ZDHHC2: variants seen among roughly 807,000 people sequenced by gnomAD.
The protein encoded by ZDHHC2 is zDHHC palmitoyltransferase 2.
In ZDHHC2, 51 loss-of-function variants were observed where a neutral mutation model predicts 55.6. The observed-to-expected ratio is 0.92, with a 90% CI of 0.73 to 1.16. ZDHHC2 has a LOEUF of 1.16. ZDHHC2 is among the 50% of genes most tolerant of loss of function. ZDHHC2 has a pLI of 0.00. For missense variants in ZDHHC2, 491 were observed against 442.4 expected (o/e 1.11, Z -0.99); for synonymous variants, 199 against 152.9 (o/e 1.30, Z -2.22).
intron 11 of ZDHHC2, among the ~76,000 whole-genome samples, chr8:17,216,362 T>C (rs909037281): frequency 1.3e-5 from 2 of 152,186 alleles, no homozygotes; most frequent in Admixed American, 6.6e-5. Flanking sequence ...AATAGAAGCT[T>C]TCTTTAGCCT....
chr8:17,200,993 T>C (rs1282982514), intron 6 of ZDHHC2, among the ~76,000 whole-genome samples: 3 of 152,246 alleles, frequency 2.0e-5, no homozygotes, highest in African/African-American at 7.2e-5. Context: ...TTGTGAAGGA[T>C]TTGATGCCAA....
intron 1 of ZDHHC2, among the ~76,000 whole-genome samples, chr8:17,173,641 C>T (rs1289048775): frequency 1.3e-5 from 2 of 150,012 alleles, no homozygotes; most frequent in Non-Finnish European, 1.5e-5. Context: ...GTGATTGCAC[C>T]ACTGCATTCC....
At chr8:17,185,171 A>G (rs1169479510) in intron 2 of ZDHHC2, among the ~76,000 whole-genome samples, 3 of 152,236 alleles carry the variant, frequency 2.0e-5, no homozygotes, top group Non-Finnish European at 2.9e-5. Context: ...GCCTTATTGA[A>G]TAATTCAAAT....
intron 7 of ZDHHC2, among the ~76,000 whole-genome samples, chr8:17,206,568 T>A (rs1332243673): frequency 6.6e-6 from 1 of 152,232 alleles, no homozygotes; most frequent in Non-Finnish European, 1.5e-5. Context: ...AGAAGTATTT[T>A]CTTTATGTGT....
Position 17,156,850 on chromosome 8 carries a change from A to G in ZDHHC2, c.127A>G (p.Ile43Val). The change falls in exon 1 of 13, where the codon ATA becomes GTA. Residue 43 changes from isoleucine to valine, a missense_variant. Transcript: ENST00000262096. ...CTACGCCTACGCCATCCAGCTGTGC[A>G]TAGGTGAGTGCGCCCCCCGCCGCGG... The part of the protein sequence containing the change: ...SYYAYAIQLC[I>V]VSMENTGEQV... The G allele has an allele frequency of 6.7e-7, 1 of 1,498,894 alleles. No homozygotes were observed. The highest frequency in any genetic ancestry group is 8.9e-7 in the Non-Finnish European group (1 of 1,122,586). 92.8% of individuals were successfully genotyped at this position (1,498,894 alleles called of 1,614,324 possible).
At chr8:17,177,592 G>C (rs1408054727) in intron 1 of ZDHHC2, among the ~76,000 whole-genome samples, 3 of 152,198 alleles carry the variant, frequency 2.0e-5, no homozygotes, top group Non-Finnish European at 2.9e-5. Flanking sequence ...CACAGAGGTA[G>C]AGTCTTATTT....
Position 17,195,449 on chromosome 8 carries a change from C to A in ZDHHC2, c.253-55C>A, listed in dbSNP as rs551072119. 5 of 1,547,536 alleles carry A rather than the reference C, an allele frequency of 3.2e-6. No individual in the cohort carries two copies. In the African/African-American group the frequency reaches 6.9e-5, roughly 21 times the overall value. On this transcript the variant is annotated intron_variant, in intron 3 of 12. Transcript: ENST00000262096. ...CTTTTCCGGGTATGGTAGAGAAGAC[C>A]AATATGTTATAATTTCTTTGAAAAT...
At chr8:17,172,295 C>T (rs754216534) in intron 1 of ZDHHC2, among the ~76,000 whole-genome samples, 10 of 152,192 alleles carry the variant, frequency 6.6e-5, no homozygotes, top group South Asian at 2.1e-4. Context: ...TCTTGGCCGC[C>T]GGCTAAATAT....
chr8:17,203,587 T>G (rs1019263566), intron 6 of ZDHHC2, among the ~76,000 whole-genome samples: 20 of 152,106 alleles, frequency 1.3e-4, no homozygotes, highest in African/African-American at 4.3e-4. Flanking sequence ...TCTTTCCCCT[T>G]GAAACCAACA....
intron 11 of ZDHHC2, 119 bp downstream of exon 11, chr8:17,215,468 A>C: frequency 1.3e-6 from 1 of 782,554 alleles, no homozygotes; most frequent in South Asian, 1.6e-5. Flanking sequence ...TCAGACTTCT[A>C]TTCTAAATTC....
intron 1 of ZDHHC2, among the ~76,000 whole-genome samples, chr8:17,172,613 G>T (rs1195067409): frequency 6.6e-6 from 1 of 152,172 alleles, no homozygotes. Flanking sequence ...TAATAATAAA[G>T]AAATGCTGAG....
intron 1 of ZDHHC2, among the ~76,000 whole-genome samples, chr8:17,173,331 A>C (rs1804960890): frequency 6.6e-6 from 1 of 152,146 alleles, no homozygotes; most frequent in African/African-American, 2.4e-5. Flanking sequence ...AATGATAATA[A>C]TACCAACCTC....
intron 1 of ZDHHC2, among the ~76,000 whole-genome samples, chr8:17,180,127 A>T (rs1805353692): frequency 6.6e-6 from 1 of 152,202 alleles, no homozygotes; most frequent in South Asian, 2.1e-4. Flanking sequence ...AACTGCACCT[A>T]ACTTCTTTGG....
At chr8:17,167,666 A>G (rs1192120319) in intron 1 of ZDHHC2, among the ~76,000 whole-genome samples, 2 of 152,178 alleles carry the variant, frequency 1.3e-5, no homozygotes, top group East Asian at 1.9e-4. Context: ...GGACATTAAA[A>G]TGCTATCTGT....
chr8:17,184,820 G>A lies in ZDHHC2; in HGVS notation c.157+5G>A, dbSNP rs774476001. The stretch of plus-strand genomic sequence containing the variant: ...TGGAAAACACTGGCGAACAAGGTAA[G>A]CTAGATTATATTAATGTTATAGATT... On this transcript the variant is annotated splice_donor_5th_base_variant and intron_variant, in intron 2 of 12. Coordinates refer to ENST00000262096, the MANE Select transcript of ZDHHC2 (RefSeq NM_016353.5). 44 of 1,546,578 alleles carry A rather than the reference G, an allele frequency of 2.8e-5. No homozygotes were observed. Among genetic ancestry groups the A allele is most frequent in the South Asian group, 3.6e-5 (3 of 82,912 alleles).
intron 1 of ZDHHC2, among the ~76,000 whole-genome samples, chr8:17,174,624 T>C (rs1387903095): frequency 6.6e-6 from 1 of 152,016 alleles, no homozygotes; most frequent in African/African-American, 2.4e-5. Flanking sequence ...GGTCATAACC[T>C]ACCCTTAAGA....
intron 6 of ZDHHC2, among the ~76,000 whole-genome samples, chr8:17,200,191 C>A (rs948800034): frequency 6.6e-6 from 1 of 152,172 alleles, no homozygotes; most frequent in Admixed American, 6.5e-5. Flanking sequence ...CTGGCAGCTC[C>A]CCATTCAGGC....
At chr8:17,202,200 C>A (rs766690426) in intron 6 of ZDHHC2, among the ~76,000 whole-genome samples, 1 of 152,244 alleles carries the variant, frequency 6.6e-6, no homozygotes, top group African/African-American at 2.4e-5. Context: ...CTTTTAACAG[C>A]GACAGAAGTA....
At chr8:17,173,468 G>T (rs962103264) in intron 1 of ZDHHC2, among the ~76,000 whole-genome samples, 2 of 151,946 alleles carry the variant, frequency 1.3e-5, no homozygotes, top group African/African-American at 4.8e-5. Context: ...TTGAGCCCAG[G>T]AGTTCAAGAA....
Sources: allele counts gnomAD v4.1 joint callset (sites outside exome capture counted in the v4.1 genomes callset), GRCh38; gene constraint gnomAD v4.1.1; transcripts MANE v1.5; gene names NCBI Gene and HGNC (gene_info 2026-07-23, HGNC 2026-07-21).